Variants in TJAP1 observed in about 807,000 individuals in gnomAD.
TJAP1 encodes the protein tight junction-associated protein 1.
A neutral mutation model predicts 42.0 loss-of-function variants in TJAP1; 27 were observed. The observed-to-expected ratio is 0.64, with a 90% CI of 0.47 to 0.89. TJAP1 has a LOEUF of 0.89. Among genes scored for constraint, TJAP1 ranks in the 40% least tolerant of loss-of-function variants. The probability of loss-of-function intolerance (pLI) is 0.00; values close to 1 mark genes in which losing one functional copy is unlikely to be tolerated. For synonymous variants in TJAP1, 257 were observed against 288.4 expected (o/e 0.89, Z 1.10); for missense variants, 712 against 726.9 (o/e 0.98, Z 0.24).
intron 6 of TJAP1, among the ~76,000 whole-genome samples, 179 bp downstream of exon 6, chr6:43,501,866 G>A (rs1014875806): frequency 8.0e-6 from 1 of 124,244 alleles, no homozygotes; most frequent in Non-Finnish European, 1.6e-5. Flanking sequence ...AACTGGATAA[G>A]TTCTGCAGGT....
In TJAP1 at chr6:43,501,925, ACACTCTCTCTCTCTCT is replaced by A. The variant is rs1790854078; in HGVS notation, c.290+240_290+255del. On this transcript the variant is annotated intron_variant, in intron 6 of 10. Transcript: ENST00000372449. ...CACACACACACACACACACACACAC[ACACTCTCTCTCTCTCT>A]CTCTCTCTCTCTCTCCTTTCATAGG... is the stretch of plus-strand genomic sequence containing the variant. 3.9e-5 allele frequency among the ~76,000 whole-genome samples: 4 copies of A among 102,290 alleles called. No individual in the cohort carries two copies. The East Asian group carries it at 8.5e-4, about 22-fold the overall frequency. The allele number at this position is 102,290 out of a possible 152,430, so 67.1% of individuals were successfully genotyped here. A position where few individuals can be genotyped will look rare whatever the true frequency, so the allele number is the denominator to read the frequency against.
At chr6:43,499,430 C>T (rs1048829206) in intron 4 of TJAP1, among the ~76,000 whole-genome samples, 29 of 152,342 alleles carry the variant, frequency 1.9e-4, no homozygotes, top group African/African-American at 6.7e-4. Flanking sequence ...TCTGGTCCTC[C>T]GTAGTGGAGT....
chr6:43,502,798 C>T, intron 8 of TJAP1, 181 bp downstream of exon 8: 1 of 711,478 alleles, frequency 1.4e-6, no homozygotes, highest in Non-Finnish European at 2.5e-6. Context: ...GGGAGCCTAG[C>T]CTGCTCTGCC....
At chr6:43,500,415 A>C (rs1790261982) in intron 4 of TJAP1, among the ~76,000 whole-genome samples, 1 of 152,144 alleles carries the variant, frequency 6.6e-6, no homozygotes, top group Admixed American at 6.5e-5. Flanking sequence ...TACAGGACCC[A>C]CCAGGAGCCG....
intron 1 of TJAP1, 148 bp from the exon 2 acceptor site, chr6:43,477,939 C>A (rs1784551455): frequency 6.6e-6 from 1 of 152,450 alleles, no homozygotes; most frequent in Admixed American, 6.6e-5. Context: ...AAGCCTGGAG[C>A]GTGGGATAGA....
chr6:43,502,610 T>A, exon 8 of TJAP1: 1 of 1,551,776 alleles, frequency 6.4e-7, no homozygotes, highest in Non-Finnish European at 8.7e-7. Flanking sequence ...CACAGCTGGA[T>A]TTTTGCAGTT....
At position 43,501,767 on chromosome 6, in the gene TJAP1, G is replaced by T; in HGVS notation, c.290+80G>T. The T allele has an allele frequency of 6.3e-6, 3 of 477,300 alleles. No homozygotes were observed. The South Asian group carries it at 6.5e-5, about 10-fold the overall frequency. The allele number at this position is 477,300 out of a possible 1,614,324, so 29.6% of individuals were successfully genotyped here. A position where few individuals can be genotyped will look rare whatever the true frequency, so the allele number is the denominator to read the frequency against. ...ACACACACACACACACACTCTCTCT[G>T]TCTCTCTCTCTCTCTGTGTCTCTGT... is the stretch of plus-strand genomic sequence containing the variant. On this transcript the variant is annotated intron_variant, in intron 6 of 10. Coordinates refer to ENST00000372449, the Ensembl canonical transcript of TJAP1.
exon 1 of TJAP1, chr6:43,477,590 G>C (rs541458011): frequency 2.6e-5 from 4 of 152,338 alleles, no homozygotes; most frequent in Non-Finnish European, 5.9e-5. Flanking sequence ...CTGCCCCGCG[G>C]CAAGATGGCG....
intron 7 of TJAP1, 85 bp from the exon 8 acceptor site, chr6:43,502,503 A>G (rs1024066399): frequency 1.6e-5 from 25 of 1,526,338 alleles, no homozygotes; most frequent in East Asian, 2.4e-5. Flanking sequence ...CTGCAAGTCA[A>G]GACTGTCTTA....
Position 43,479,971 on chromosome 6 carries a change from TC to T in TJAP1, c.-122+1740del, listed in dbSNP as rs1373461606. Among the ~76,000 whole-genome samples the T allele has an allele frequency of 1.7e-4, 25 of 151,322 alleles. No homozygotes were observed. The Middle Eastern group carries it at 0.014, about 82-fold the overall frequency. ...GTGACAGAGCAAGACTCCATCCATCTCAAGAAAAAAAGCGTCTCCAAAAAAA... is the reference window on the plus strand; with the variant it reads ...GTGACAGAGCAAGACTCCATCCATCTAAGAAAAAAAGCGTCTCCAAAAAAA... On this transcript the variant is annotated intron_variant, in intron 2 of 10. Coordinates refer to ENST00000372449, the Ensembl canonical transcript of TJAP1.
At chr6:43,488,567 AATT>A (rs1039617899) in intron 2 of TJAP1, among the ~76,000 whole-genome samples, 52 of 152,308 alleles carry the variant, frequency 3.4e-4, no homozygotes, top group Admixed American at 1.8e-3. Flanking sequence ...AAAAGAGAAA[AATT>A]ATCTGATTTC....
At position 43,501,443 on chromosome 6, in the gene TJAP1, TTCCTGAGCC is replaced by T. The variant is rs1790492402; in HGVS notation, c.129-82_129-74del. 14 of 1,326,104 alleles carry T rather than the reference TTCCTGAGCC, an allele frequency of 1.1e-5. No individual in the cohort carries two copies. The Admixed American group carries it at 3.0e-4, about 28-fold the overall frequency. 82.1% of individuals were successfully genotyped at this position (1,326,104 alleles called of 1,614,324 possible). A position where few individuals can be genotyped will look rare whatever the true frequency, so the allele number is the denominator to read the frequency against. On this transcript the variant is annotated intron_variant, in intron 5 of 10. Transcript: ENST00000372449. The stretch of plus-strand genomic sequence containing the variant: ...TGCCTGTCCTCATGTCATCCCTTCC[TTCCTGAGCC>T]CACTCTGGAGCTCCAGGGCATGCCC...
rs1792148220 is a variant in TJAP1, at chr6:43,505,530, C to T, written c.1349C>T (p.Pro450Leu). The change falls in exon 11 of 11, where the codon CCC (proline) becomes CTC (leucine). Residue 450 changes from proline to leucine, a missense_variant. Physicochemically the swap from Pro to Leu is moderately conservative, Grantham distance 98. Transcript: ENST00000372449. This position sits in a 1 kb window ranked among gnomAD's most constrained non-coding sequence, Gnocchi z 5.5. ...CTGCAGCGCCATTTTGCCCATAGCCCCGCTGACAGAGATGAGGTGGTCCAG... is the reference window on the plus strand; with the variant it reads ...CTGCAGCGCCATTTTGCCCATAGCCTCGCTGACAGAGATGAGGTGGTCCAG... 2 of 1,613,982 alleles carry T rather than the reference C, an allele frequency of 1.2e-6. No individual in the cohort carries two copies. Among genetic ancestry groups the T allele is most frequent in the East Asian group, 4.5e-5 (2 of 44,884 alleles).
intron 2 of TJAP1, among the ~76,000 whole-genome samples, chr6:43,480,471 G>T (rs186574979): frequency 6.6e-6 from 1 of 152,202 alleles, no homozygotes; most frequent in Non-Finnish European, 1.5e-5. Flanking sequence ...AGCACATTCT[G>T]TGCGTAGGAC....
chr6:43,496,808 A>G (rs1193184301), intron 2 of TJAP1, among the ~76,000 whole-genome samples: 1 of 152,188 alleles, frequency 6.6e-6, no homozygotes, highest in Non-Finnish European at 1.5e-5. Flanking sequence ...AGGCCACCTG[A>G]GGTTACTGCC....
chr6:43,500,835 G>C (rs1790362413), intron 5 of TJAP1, 63 bp downstream of exon 5: 3 of 1,593,890 alleles, frequency 1.9e-6, no homozygotes, highest in Non-Finnish European at 2.6e-6. Flanking sequence ...CTCCAGGCTA[G>C]ACTGTTGGTA....
chr6:43,505,667 C>T lies in TJAP1; in HGVS notation c.1486C>T (p.Arg496Cys), dbSNP rs148726277. ...CCTGCCTATCAGTCCTGAGGAAGAG[C>T]GCCAGAGCCTGCTGCCCATTAACAG... The change falls in exon 11 of 11, where the codon CGC (arginine) becomes TGC (cysteine). Residue 496 changes from arginine to cysteine, a missense_variant. Physicochemically the swap from Arg to Cys is radical, Grantham distance 180. This residue lies in a region of TJAP1 where 549 missense variants were observed against 528.2 expected (regional missense o/e 1.04). Coordinates refer to ENST00000372449, the Ensembl canonical transcript of TJAP1. The surrounding 1 kb of genome is among the most constrained non-coding windows in gnomAD (Gnocchi z 5.5). 1.8e-4 allele frequency: 284 copies of T among 1,608,876 alleles called. No individual in the cohort carries two copies. Among genetic ancestry groups the T allele is most frequent in the Non-Finnish European group, 2.2e-4 (254 of 1,176,638 alleles).
intron 6 of TJAP1, among the ~76,000 whole-genome samples, chr6:43,502,076 A>ACACACACACACACACACACACT (rs767085594): frequency 1.5e-5 from 1 of 68,930 alleles, no homozygotes; most frequent in African/African-American, 7.7e-5. Flanking sequence ...ACACACACAC[A>ACACACACACACACACACACACT]CTCTCTCTCT....
Position 43,504,818 on chromosome 6 carries a change from G to T in TJAP1, c.637G>T (p.Ala213Ser), listed in dbSNP as rs770562512. The change falls in exon 11 of 11, where the codon GCC becomes TCC. Residue 213 changes from alanine (A) to serine (S), a missense_variant. Ala to Ser is a moderately conservative substitution (Grantham distance 99). This residue lies in a region of TJAP1 where 549 missense variants were observed against 528.2 expected (regional missense o/e 1.04). Coordinates refer to ENST00000372449, the Ensembl canonical transcript of TJAP1. The stretch of plus-strand genomic sequence containing the variant: ...ACATTTGCACAGTGGTCAAGAGGCC[G>T]CCAGCCCAGGTCCTGCTCCCAGCCT... The T allele has an allele frequency of 1.2e-6, 2 of 1,614,214 alleles. No homozygotes were observed. The highest frequency in any genetic ancestry group is 3.3e-5 in the Admixed American group (2 of 60,034).
Sources: gnomAD v4.1 joint callset for allele counts (sites outside exome capture counted in the v4.1 genomes callset) on GRCh38, gnomAD v4.1.1 for gene constraint, gnomAD v4.1.1 regional missense constraint, Gnocchi (gnomAD v3.1) non-coding constraint, MANE v1.5 for transcripts, NCBI Gene and HGNC (gene_info 2026-07-23, HGNC 2026-07-21) for gene names.